The following NUDT13 variants were observed in gnomAD, a reference collection of about 807,000 sequenced individuals.
NUDT13 encodes NAD(P)H pyrophosphatase NUDT13, mitochondrial.
A neutral mutation model predicts 41.7 loss-of-function variants in NUDT13; 40 were observed. The ratio of observed to expected loss-of-function variants is 0.96; its 90% CI spans 0.75 to 1.25. The LOEUF is 1.25. Among genes scored for constraint, NUDT13 ranks in the 50% most tolerant of loss-of-function variants. NUDT13 has a pLI of 0.00. For synonymous variants in NUDT13, 145 were observed against 155.5 expected (o/e 0.93, Z 0.50); for missense variants, 390 against 416.1 (o/e 0.94, Z 0.55).
At chr10:73,128,562 C>A (rs1842844224) in intron 8 of NUDT13, among the ~76,000 whole-genome samples, 1 of 152,170 alleles carries the variant, frequency 6.6e-6, no homozygotes, top group East Asian at 1.9e-4. Flanking sequence ...TATTCAGATT[C>A]TTTGCCCATT....
intron 1 of NUDT13, among the ~76,000 whole-genome samples, chr10:73,111,199 C>G (rs370837177): frequency 1.3e-5 from 2 of 152,056 alleles, no homozygotes; most frequent in Non-Finnish European, 2.9e-5. Flanking sequence ...AGGATGGTCT[C>G]GATCTCCTGA....
rs748994291 is a variant in NUDT13 at position 73,130,719 on chromosome 10, G to C, written c.875G>C (p.Arg292Thr). 4 of 1,613,558 alleles carry C rather than the reference G, an allele frequency of 2.5e-6. No homozygotes were observed. Among genetic ancestry groups the C allele is most frequent in the East Asian group, 4.5e-5 (2 of 44,878 alleles). The change falls in exon 9 of 9, where the codon AGA becomes ACA. Residue 292 changes from arginine (R) to threonine (T), a missense_variant. By Grantham distance (71) the Arg-to-Thr change is moderately conservative. Coordinates refer to ENST00000357321, the MANE Select transcript of NUDT13 (RefSeq NM_015901.6). ...GTCTTTCAGATCCAGGTGAACTTGAGAGAATTAGAGACAGCTGCCTGGTTC... is the reference window on the plus strand; with the variant it reads ...GTCTTTCAGATCCAGGTGAACTTGACAGAATTAGAGACAGCTGCCTGGTTC... ...PGQTEIQVNL[R>T]ELETAAWFSH...
At chr10:73,130,680 CT>C (rs753164127) in intron 8 of NUDT13, 22 bp from the exon 9 acceptor site, 1 of 1,605,234 alleles carries the variant, frequency 6.2e-7, no homozygotes, top group Non-Finnish European at 8.5e-7. Flanking sequence ...ACCTTACATC[CT>C]TTTCTTCCTT....
rs56229464 is a variant in NUDT13, at chr10:73,116,876, ATTTTTTTTTTTTTT to A, written c.83+2443_83+2456del. On this transcript the variant is annotated intron_variant, in intron 2 of 8. Coordinates refer to ENST00000357321, the MANE Select transcript of NUDT13 (RefSeq NM_015901.6). Reference sequence around the variant, plus strand: ...TGTACTCCTTTAACAGACTACAAGAATTTTTTTTTTTTTTTTTTTTTTTTTTTTGAGATGGAGTC... The same window carrying A: ...TGTACTCCTTTAACAGACTACAAGAATTTTTTTTTTTTTTGAGATGGAGTC... Among the ~76,000 whole-genome samples the A allele has an allele frequency of 3.1e-3, 253 of 81,880 alleles. 5 individuals carry two copies. Among genetic ancestry groups the A allele is most frequent in the African/African-American group, 0.012 (237 of 20,468 alleles). The allele number at this position is 81,880 out of a possible 152,430, so 53.7% of individuals were successfully genotyped here. A position where few individuals can be genotyped will look rare whatever the true frequency, so the allele number is the denominator to read the frequency against.
chr10:73,122,900 CT>C (rs60953028), intron 4 of NUDT13, among the ~76,000 whole-genome samples: 18,681 of 122,940 alleles, frequency 0.15, 1,858 homozygotes, highest in African/African-American at 0.31. Context: ...TTGTATATTT[CT>C]TTTTTTTTTT....
chr10:73,129,376 GT>G (rs912609866), intron 8 of NUDT13, among the ~76,000 whole-genome samples: 6 of 151,648 alleles, frequency 4.0e-5, no homozygotes, highest in African/African-American at 1.2e-4. Context: ...GTTCCACCAT[GT>G]TGGCCAGGCT....
intron 2 of NUDT13, among the ~76,000 whole-genome samples, chr10:73,115,364 G>C (rs1589652796): frequency 6.6e-6 from 1 of 151,948 alleles, no homozygotes; most frequent in Non-Finnish European, 1.5e-5. Flanking sequence ...TTTGTGTAGA[G>C]ACAGGGTTTT....
chr10:73,121,811 C>G (rs1842651478), intron 3 of NUDT13, among the ~76,000 whole-genome samples: 2 of 152,134 alleles, frequency 1.3e-5, no homozygotes, highest in Admixed American at 6.6e-5. Flanking sequence ...CTCCCTGCCC[C>G]CCAGCCTTGG....
At chr10:73,126,868 C>A in intron 8 of NUDT13, 41 bp downstream of exon 8, 1 of 1,567,292 alleles carries the variant, frequency 6.4e-7, no homozygotes, top group African/African-American at 1.4e-5. Flanking sequence ...ATTTCTTTTG[C>A]TTCATCCAAC....
At chr10:73,122,101 G>A in intron 3 of NUDT13, 74 bp from the exon 4 acceptor site, 1 of 1,502,864 alleles carries the variant, frequency 6.7e-7, no homozygotes, top group Non-Finnish European at 9.0e-7. Context: ...TTTTCTGTGA[G>A]TCTAATATGG....
chr10:73,118,779 C>T (rs1842573526), intron 2 of NUDT13, among the ~76,000 whole-genome samples: 1 of 151,892 alleles, frequency 6.6e-6, no homozygotes, highest in Non-Finnish European at 1.5e-5. Context: ...TCGAAACCAG[C>T]CTGGCCAACA....
At chr10:73,127,333 C>T (rs374105821) in intron 8 of NUDT13, among the ~76,000 whole-genome samples, 19 of 151,264 alleles carry the variant, frequency 1.3e-4, no homozygotes, top group African/African-American at 4.1e-4. Flanking sequence ...GAGCTGAGGT[C>T]GCGCTACTGC....
In NUDT13 at chr10:73,114,500, A is replaced by T. The variant is rs998402652; in HGVS notation, c.83+52A>T. On this transcript the variant is annotated intron_variant, in intron 2 of 8. Coordinates refer to ENST00000357321, the MANE Select transcript of NUDT13 (RefSeq NM_015901.6). ...ATTATTCTGTTTGGCCCATTAAACTATTGTGATATTATGATTTTATATATA... is the reference window on the plus strand; with the variant it reads ...ATTATTCTGTTTGGCCCATTAAACTTTTGTGATATTATGATTTTATATATA... The T allele has an allele frequency of 7.1e-6, 6 of 850,526 alleles. No homozygotes were observed. In the Admixed American group the frequency reaches 9.4e-5, roughly 13 times the overall value. 52.7% of individuals were successfully genotyped at this position (850,526 alleles called of 1,614,324 possible).
At chr10:73,130,473 AAT>A (rs762575232) in intron 8 of NUDT13, 166 of 157,696 alleles carry the variant, frequency 1.1e-3, no homozygotes, top group Middle Eastern at 3.0e-3. Context: ...AAAAAAAAAA[AAT>A]ATATATATAT....
intron 2 of NUDT13, among the ~76,000 whole-genome samples, chr10:73,116,350 C>G (rs1842508260): frequency 6.6e-6 from 1 of 152,014 alleles, no homozygotes; most frequent in Non-Finnish European, 1.5e-5. Flanking sequence ...TGAAAATACC[C>G]CTGGGGCACC....
chr10:73,120,017 G>A lies in NUDT13; in HGVS notation c.84-1G>A, dbSNP rs1352785277. 6.2e-7 allele frequency: 1 copy of A among 1,613,810 alleles called. No homozygotes were observed. The highest frequency in any genetic ancestry group is 1.1e-5 in the South Asian group (1 of 91,068). On this transcript the variant is annotated splice_acceptor_variant, in intron 2 of 8. Coordinates refer to ENST00000357321, the MANE Select transcript of NUDT13 (RefSeq NM_015901.6). LOFTEE classifies it high-confidence loss of function. ...ATGGTTTGATTATTTCCCAAATACA[G>A]GTATTTATTTGAACTGAAGGAAGAT...
In NUDT13 at chr10:73,125,220, A is replaced by G. The variant is rs370593745; in HGVS notation, c.568A>G (p.Asn190Asp). 1 of 1,612,254 alleles carries G rather than the reference A, an allele frequency of 6.2e-7. No individual in the cohort carries two copies. Among genetic ancestry groups the G allele is most frequent in the Non-Finnish European group, 8.5e-7 (1 of 1,179,526 alleles). Residue 190 changes from asparagine (N) to aspartate (D), a missense_variant, in exon 6 of 9, where the codon AAT becomes GAT. Transcript: ENST00000357321. ...VAGSKRVCPS[N>D]NIIYYPQMAP... Reference sequence around the variant, plus strand: ...TGGCAGCAAGCGTGTGTGCCCTTCCAATAATATAATCTATTATCCACAGGT... The same window carrying G: ...TGGCAGCAAGCGTGTGTGCCCTTCCGATAATATAATCTATTATCCACAGGT...
rs1479109686 is a variant in NUDT13 at position 73,120,100 on chromosome 10, G to C, written c.166G>C (p.Ala56Pro). 6.2e-7 allele frequency: 1 copy of C among 1,614,140 alleles called. No individual in the cohort carries two copies. The highest frequency in any genetic ancestry group is 8.5e-7 in the Non-Finnish European group (1 of 1,180,022). ...AGCGTTTTACCTCTTTCATAGTCTG[G>C]CTCCTCTGCTTCAGACTTCAGCACA... ...TGAFYLFHSL[A>P]PLLQTSAHQY... The change falls in exon 3 of 9, where the codon GCT becomes CCT. Residue 56 changes from alanine to proline, a missense_variant. Transcript: ENST00000357321.
chr10:73,123,016 T>G (rs1842684869), intron 4 of NUDT13, among the ~76,000 whole-genome samples: 1 of 151,498 alleles, frequency 6.6e-6, no homozygotes, highest in South Asian at 2.1e-4. Context: ...TTCTCCTGCC[T>G]CAGCCTCCCT....
Sources: allele counts gnomAD v4.1 joint callset (sites outside exome capture counted in the v4.1 genomes callset), GRCh38; gene constraint gnomAD v4.1.1; transcripts MANE v1.5; gene names NCBI Gene and HGNC (gene_info 2026-07-23, HGNC 2026-07-21).